MAGI1: variants seen among roughly 807,000 people sequenced by gnomAD.
MAGI1 encodes membrane-associated guanylate kinase, WW and PDZ domain-containing protein 1.
A neutral mutation model predicts 139.9 loss-of-function variants in MAGI1; 58 were observed. The ratio of observed to expected loss-of-function variants is 0.41; its 90% CI spans 0.34 to 0.52. The LOEUF is 0.52. Ranked by LOEUF, MAGI1 falls within the 20% of genes least tolerant of loss-of-function variation. The probability of loss-of-function intolerance (pLI) is 0.12; values close to 1 mark genes in which losing one functional copy is unlikely to be tolerated. For synonymous variants in MAGI1, 812 were observed against 737.9 expected (o/e 1.10, Z -1.63); for missense variants, 1,874 against 1,901.6 (o/e 0.99, Z 0.27).
At chr3:65,795,012 G>A (rs945411279) in intron 1 of MAGI1, among the ~76,000 whole-genome samples, 4 of 152,102 alleles carry the variant, frequency 2.6e-5, no homozygotes, top group African/African-American at 7.2e-5. Context: ...ATACCACCAC[G>A]TACCTATCAA....
intron 2 of MAGI1, among the ~76,000 whole-genome samples, chr3:65,530,954 C>T (rs1010330985): frequency 1.4e-4 from 21 of 150,190 alleles, no homozygotes; most frequent in Non-Finnish European, 3.0e-4. Flanking sequence ...ATTCGTAGTT[C>T]CCATAAATTT....
chr3:65,521,186 G>C (rs1333514720), intron 2 of MAGI1, among the ~76,000 whole-genome samples: 1 of 151,914 alleles, frequency 6.6e-6, no homozygotes, highest in Non-Finnish European at 1.5e-5. Context: ...CTCTGTTAGA[G>C]ATACTACTCA....
At chr3:65,615,495 A>T (rs1188511058) in intron 2 of MAGI1, among the ~76,000 whole-genome samples, 1 of 152,156 alleles carries the variant, frequency 6.6e-6, no homozygotes, top group Admixed American at 6.5e-5. Flanking sequence ...CCACACTTCA[A>T]TGCTCCTGAA....
intron 6 of MAGI1, 120 bp downstream of exon 6, chr3:65,453,138 T>C (rs985630876): frequency 3.6e-5 from 29 of 812,446 alleles, no homozygotes; most frequent in Non-Finnish European, 5.4e-5. Flanking sequence ...TTAGCAGAAA[T>C]TGGATTACCT....
chr3:65,972,065 C>G (rs958581592), intron 1 of MAGI1, among the ~76,000 whole-genome samples: 1 of 152,186 alleles, frequency 6.6e-6, no homozygotes, highest in African/African-American at 2.4e-5. Flanking sequence ...GCAAGGCTTG[C>G]TCAGGCCCAC....
At position 65,541,385 on chromosome 3, in the gene MAGI1, A is replaced by G. The variant is rs143163259; in HGVS notation, c.431-47754T>C. On this transcript the variant is annotated intron_variant, in intron 2 of 22. Coordinates refer to ENST00000402939, the MANE Select transcript of MAGI1 (RefSeq NM_001033057.2). ...CATTGCTTCTGAAACGATTCCACAC[A>G]ATAGAAAAAGAGGGACTCCTCCCTA... Among the ~76,000 whole-genome samples, 59 of 152,336 alleles carry G rather than the reference A, an allele frequency of 3.9e-4. No individual in the cohort carries two copies. In the Middle Eastern group the frequency reaches 0.017, roughly 44 times the overall value.
At chr3:65,735,595 C>T (rs757970903) in intron 1 of MAGI1, among the ~76,000 whole-genome samples, 3 of 151,990 alleles carry the variant, frequency 2.0e-5, no homozygotes, top group African/African-American at 4.8e-5. Context: ...GCTAGGGATC[C>T]GTCCAACCCA....
intron 1 of MAGI1, among the ~76,000 whole-genome samples, chr3:65,917,470 G>A (rs1285130596): frequency 6.6e-6 from 1 of 152,168 alleles, no homozygotes; most frequent in African/African-American, 2.4e-5. Flanking sequence ...CAAAGGAGTT[G>A]AAAACTTATG....
At chr3:65,966,445 T>C (rs1003896051) in intron 1 of MAGI1, among the ~76,000 whole-genome samples, 4 of 152,182 alleles carry the variant, frequency 2.6e-5, no homozygotes, top group Non-Finnish European at 2.9e-5. Flanking sequence ...CAGAAATCTC[T>C]GCCACCTTAT....
intron 1 of MAGI1, among the ~76,000 whole-genome samples, chr3:65,958,756 G>A (rs1206513025): frequency 2.0e-5 from 3 of 152,192 alleles, no homozygotes; most frequent in South Asian, 2.1e-4. Context: ...GGAGGTCAAA[G>A]CAGGAGGATC....
At chr3:65,569,457 T>C (rs2108060271) in intron 2 of MAGI1, among the ~76,000 whole-genome samples, 1 of 152,330 alleles carries the variant, frequency 6.6e-6, no homozygotes, top group East Asian at 1.9e-4. Flanking sequence ...TTTACCACTA[T>C]AAAAAAGATT....
intron 1 of MAGI1, among the ~76,000 whole-genome samples, chr3:65,656,687 A>G (rs1290602651): frequency 1.3e-5 from 2 of 152,084 alleles, no homozygotes; most frequent in Non-Finnish European, 1.5e-5. Context: ...AACATAGAAT[A>G]TATCAAGAGG....
chr3:65,460,622 G>T (rs2107532466), intron 5 of MAGI1, among the ~76,000 whole-genome samples: 1 of 152,200 alleles, frequency 6.6e-6, no homozygotes, highest in South Asian at 2.1e-4. Context: ...AGGTATACAT[G>T]TGCCATGGTG....
intron 1 of MAGI1, among the ~76,000 whole-genome samples, chr3:65,786,456 G>A (rs1042214416): frequency 1.3e-5 from 2 of 151,532 alleles, no homozygotes; most frequent in South Asian, 2.1e-4. Context: ...ACAGGCATGC[G>A]CCACCACACC....
At chr3:65,854,275 CT>C (rs1045504863) in intron 1 of MAGI1, among the ~76,000 whole-genome samples, 4 of 151,610 alleles carry the variant, frequency 2.6e-5, no homozygotes, top group African/African-American at 9.7e-5. Flanking sequence ...AAGTGAGACC[CT>C]GTTTCAAATT....
At chr3:65,843,838 T>C (rs2058891378) in intron 1 of MAGI1, 1 of 191,500 alleles carries the variant, frequency 5.2e-6, no homozygotes, top group Non-Finnish European at 1.1e-5. Flanking sequence ...GAGAAGAGAG[T>C]TTTATGGTCA....
intron 1 of MAGI1, chr3:65,717,328 T>G (rs1190859151): frequency 1.3e-5 from 2 of 152,146 alleles, no homozygotes. Flanking sequence ...TGATCACAAC[T>G]AGGGTTGGGG....
At chr3:65,708,089 G>T (rs1288180856) in intron 1 of MAGI1, among the ~76,000 whole-genome samples, 1 of 152,122 alleles carries the variant, frequency 6.6e-6, no homozygotes, top group Non-Finnish European at 1.5e-5. Flanking sequence ...CCCTATAAAT[G>T]TAACCCACTT....
chr3:65,666,892 T>C (rs987740594), intron 1 of MAGI1, among the ~76,000 whole-genome samples: 2 of 152,166 alleles, frequency 1.3e-5, no homozygotes, highest in African/African-American at 2.4e-5. Flanking sequence ...GGTCCACCAT[T>C]AGGGGGAGAT....
Sources: gnomAD v4.1 joint callset for allele counts (sites outside exome capture counted in the v4.1 genomes callset) on GRCh38, gnomAD v4.1.1 for gene constraint, MANE v1.5 for transcripts, NCBI Gene and HGNC (gene_info 2026-07-23, HGNC 2026-07-21) for gene names.